The following SDK1 variants were observed in gnomAD, a reference collection of about 807,000 sequenced individuals.
SDK1 encodes sidekick cell adhesion molecule 1.
SDK1 carries 157 observed loss-of-function variants against 245.5 expected under a neutral mutation model. The ratio of observed to expected loss-of-function variants is 0.64; its 90% CI spans 0.56 to 0.73. The LOEUF (loss-of-function observed/expected upper bound fraction) is 0.73. Among genes scored for constraint, SDK1 ranks in the 30% least tolerant of loss-of-function variants. The probability of loss-of-function intolerance (pLI) is 0.00; values close to 1 mark genes in which losing one functional copy is unlikely to be tolerated. For synonymous variants in SDK1, 1,647 were observed against 1,278.5 expected, an observed-to-expected ratio of 1.29 and a Z score of -6.15; for missense variants, 3,583 against 3,002.3, an observed-to-expected ratio of 1.19 and a Z score of -4.52.
At chr7:3,888,614 A>G (rs913043509) in intron 5 of SDK1, among the ~76,000 whole-genome samples, 15 of 152,242 alleles carry the variant, frequency 9.9e-5, no homozygotes, top group African/African-American at 3.6e-4. Flanking sequence ...TATCACCACA[A>G]CAGGAGTGAC....
chr7:4,163,553 G>T (rs1376652482), intron 32 of SDK1, among the ~76,000 whole-genome samples: 2 of 152,190 alleles, frequency 1.3e-5, no homozygotes, highest in African/African-American at 4.8e-5. Flanking sequence ...ATCTCCCAGG[G>T]CCCTGCAGAA....
At chr7:3,676,547 A>T (rs529436284) in intron 4 of SDK1, among the ~76,000 whole-genome samples, 6 of 151,824 alleles carry the variant, frequency 4.0e-5, no homozygotes, top group Non-Finnish European at 8.8e-5. Flanking sequence ...GGATGGTCTC[A>T]ATCTCCTGAC....
intron 5 of SDK1, among the ~76,000 whole-genome samples, chr7:3,932,302 C>T (rs2128117885): frequency 6.6e-6 from 1 of 152,290 alleles, no homozygotes; most frequent in Non-Finnish European, 1.5e-5. Context: ...CATACAGCCT[C>T]CGCCTGGTGC....
intron 40 of SDK1, among the ~76,000 whole-genome samples, chr7:4,230,602 A>G (rs1017886625): frequency 2.0e-5 from 3 of 151,762 alleles, no homozygotes; most frequent in Non-Finnish European, 4.4e-5. Flanking sequence ...TGGATGGATG[A>G]TTACTTAGGA....
intron 1 of SDK1, among the ~76,000 whole-genome samples, chr7:3,616,294 C>A (rs565472300): frequency 6.6e-6 from 1 of 152,280 alleles, no homozygotes; most frequent in East Asian, 1.9e-4. Context: ...AATACTCGGA[C>A]ACTTGAATGT....
intron 1 of SDK1, among the ~76,000 whole-genome samples, chr7:3,386,936 C>T (rs1409561556): frequency 2.0e-5 from 3 of 152,132 alleles, no homozygotes; most frequent in Admixed American, 2.0e-4. Context: ...GAGAGGAAAA[C>T]CCAGAGAGCT....
At chr7:3,668,616 C>T (rs1356216410) in intron 4 of SDK1, among the ~76,000 whole-genome samples, 1 of 152,128 alleles carries the variant, frequency 6.6e-6, no homozygotes, top group Non-Finnish European at 1.5e-5. Context: ...TATGGTGAAA[C>T]CCCATCTCTA....
chr7:3,714,000 C>T (rs1057495642), intron 4 of SDK1, among the ~76,000 whole-genome samples: 1 of 152,172 alleles, frequency 6.6e-6, no homozygotes, highest in African/African-American at 2.4e-5. Flanking sequence ...CATCTCAGCC[C>T]ACAAACATCG....
intron 1 of SDK1, among the ~76,000 whole-genome samples, chr7:3,531,958 T>C (rs779084095): frequency 1.3e-5 from 2 of 152,222 alleles, no homozygotes; most frequent in African/African-American, 4.8e-5. Flanking sequence ...TATCTGGTCA[T>C]TTTCCAGAAT....
intron 4 of SDK1, among the ~76,000 whole-genome samples, chr7:3,800,617 G>A (rs893034858): frequency 5.9e-5 from 9 of 152,040 alleles, no homozygotes; most frequent in Non-Finnish European, 8.8e-5. Flanking sequence ...TGATCCGCCC[G>A]CCTCAGCTTC....
At chr7:4,185,959 G>T (rs13235716) in intron 35 of SDK1, among the ~76,000 whole-genome samples, 1 of 152,232 alleles carries the variant, frequency 6.6e-6, no homozygotes, top group African/African-American at 2.4e-5. Context: ...GAGCTCTAAG[G>T]GGGGATGGAG....
chr7:4,154,568 C>T (rs185876370), intron 30 of SDK1, among the ~76,000 whole-genome samples: 3 of 152,120 alleles, frequency 2.0e-5, no homozygotes, highest in African/African-American at 4.8e-5. Context: ...AGAAAGCTTT[C>T]GGGAAGACAA....
At chr7:3,697,143 A>T (rs1476204176) in intron 4 of SDK1, among the ~76,000 whole-genome samples, 3 of 152,218 alleles carry the variant, frequency 2.0e-5, no homozygotes, top group African/African-American at 7.2e-5. Context: ...GAAGTGAATG[A>T]AGTGAACATC....
At chr7:3,405,127 C>T (rs1181323469) in intron 1 of SDK1, among the ~76,000 whole-genome samples, 1 of 149,212 alleles carries the variant, frequency 6.7e-6, no homozygotes, top group African/African-American at 2.5e-5. Context: ...CAACACTGGT[C>T]TACTCAGACT....
At chr7:3,824,376 C>T (rs961830310) in intron 5 of SDK1, among the ~76,000 whole-genome samples, 1 of 152,162 alleles carries the variant, frequency 6.6e-6, no homozygotes, top group East Asian at 1.9e-4. Flanking sequence ...AATGAAGATA[C>T]ATTTTTGCTT....
chr7:3,572,494 C>T (rs1379560901), intron 1 of SDK1, among the ~76,000 whole-genome samples: 1 of 152,002 alleles, frequency 6.6e-6, no homozygotes, highest in South Asian at 2.1e-4. Context: ...TGAATGACCA[C>T]AGAGGAGATA....
At chr7:3,828,998 T>C (rs1180616307) in intron 5 of SDK1, among the ~76,000 whole-genome samples, 1 of 152,194 alleles carries the variant, frequency 6.6e-6, no homozygotes, top group African/African-American at 2.4e-5. Context: ...GAGGCTGTGA[T>C]ATGATTAATA....
intron 5 of SDK1, among the ~76,000 whole-genome samples, chr7:3,827,681 T>G (rs1296505853): frequency 1.3e-5 from 2 of 152,220 alleles, no homozygotes; most frequent in African/African-American, 4.8e-5. Flanking sequence ...TCTAGCCCCT[T>G]TGCAGGTGCA....
At chr7:4,064,632 T>C (rs184226246) in intron 19 of SDK1, among the ~76,000 whole-genome samples, 6 of 152,270 alleles carry the variant, frequency 3.9e-5, no homozygotes, top group Admixed American at 3.3e-4. Context: ...GCAGCACCAT[T>C]CACAGTAGCC....
Sources: allele counts gnomAD v4.1 joint callset (sites outside exome capture counted in the v4.1 genomes callset), GRCh38; gene constraint gnomAD v4.1.1; transcripts MANE v1.5; gene names NCBI Gene and HGNC (gene_info 2026-07-23, HGNC 2026-07-21).